Variants in SHOC2 observed in about 807,000 individuals in gnomAD.
SHOC2 encodes the protein SHOC2 leucine rich repeat scaffold protein, also known as leucine-rich repeat protein SHOC-2.
Under a neutral mutation model 50.2 loss-of-function variants are expected in SHOC2, and 4 were observed. The observed-to-expected ratio is 0.08, with a 90% CI of 0.04 to 0.18. The LOEUF is 0.18. SHOC2 is among the 10% of genes least tolerant of loss of function. The pLI is 1.00. For missense variants in SHOC2, 388 were observed against 669.6 expected (o/e 0.58, Z 4.64); for synonymous variants, 218 against 244.5 (o/e 0.89, Z 1.01).
intron 4 of SHOC2, among the ~76,000 whole-genome samples, chr10:111,004,140 C>G (rs1378592750): frequency 6.6e-6 from 1 of 152,062 alleles, no homozygotes; most frequent in African/African-American, 2.4e-5. Flanking sequence ...TTATGTTAAT[C>G]TTAATAATTT....
intron 1 of SHOC2, among the ~76,000 whole-genome samples, chr10:110,950,978 C>T (rs1847340223): frequency 1.3e-5 from 2 of 151,964 alleles, no homozygotes; most frequent in Admixed American, 1.3e-4. Context: ...TTGGTTGGGG[C>T]AATGATTTTT....
At chr10:110,982,140 A>G (rs61506841) in intron 2 of SHOC2, among the ~76,000 whole-genome samples, 9,890 of 148,252 alleles carry the variant, frequency 0.067, 620 homozygotes, top group African/African-American at 0.16. Flanking sequence ...TTTACTGAGA[A>G]TGATGATTTC....
At chr10:110,966,792 G>C (rs367659332) in intron 2 of SHOC2, among the ~76,000 whole-genome samples, 9 of 152,018 alleles carry the variant, frequency 5.9e-5, no homozygotes, top group East Asian at 1.9e-4. Flanking sequence ...TTTGTTAATG[G>C]GCTCCTTCCC....
chr10:110,969,506 G>A (rs1319149383), intron 2 of SHOC2, among the ~76,000 whole-genome samples: 3 of 152,166 alleles, frequency 2.0e-5, no homozygotes, highest in Non-Finnish European at 2.9e-5. Flanking sequence ...AGACAGTGAA[G>A]TTTTAAAGGA....
chr10:110,997,228 A>G (rs1848284173), intron 3 of SHOC2, among the ~76,000 whole-genome samples: 1 of 152,224 alleles, frequency 6.6e-6, no homozygotes, highest in Non-Finnish European at 1.5e-5. Context: ...ACATTATATA[A>G]AATATCTCTG....
intron 1 of SHOC2, among the ~76,000 whole-genome samples, chr10:110,952,642 A>G (rs752968386): frequency 9.2e-5 from 14 of 151,968 alleles, no homozygotes; most frequent in Non-Finnish European, 1.6e-4. Context: ...GGTTTGCTGC[A>G]TCGATCAACC....
chr10:110,952,530 C>A (rs1251280737), intron 1 of SHOC2, among the ~76,000 whole-genome samples: 1 of 152,052 alleles, frequency 6.6e-6, no homozygotes, highest in Non-Finnish European at 1.5e-5. Context: ...ACTCCCCCAA[C>A]CCCTAGCAAT....
intron 1 of SHOC2, among the ~76,000 whole-genome samples, chr10:110,955,843 C>G (rs935299207): frequency 6.6e-6 from 1 of 152,108 alleles, no homozygotes; most frequent in Non-Finnish European, 1.5e-5. Flanking sequence ...TCATTCAACA[C>G]TGAACAAAGT....
chr10:111,000,357 G>A, intron 3 of SHOC2, 58 bp from the exon 4 acceptor site: 4 of 1,561,864 alleles, frequency 2.6e-6, no homozygotes, highest in East Asian at 2.2e-5. Context: ...GCCTGTGACA[G>A]TGAGAGGCTC....
chr10:110,930,959 G>A (rs1846885534), intron 1 of SHOC2, among the ~76,000 whole-genome samples: 1 of 151,866 alleles, frequency 6.6e-6, no homozygotes, highest in Non-Finnish European at 1.5e-5. Context: ...TCCCAATTAT[G>A]GTTTATATTG....
intron 1 of SHOC2, among the ~76,000 whole-genome samples, chr10:110,951,223 C>G (rs1023380363): frequency 6.6e-6 from 1 of 152,092 alleles, no homozygotes; most frequent in Non-Finnish European, 1.5e-5. Flanking sequence ...AAAGGACTTG[C>G]ATTGATGGTC....
intron 1 of SHOC2, among the ~76,000 whole-genome samples, chr10:110,957,533 C>CG (rs1171903691): frequency 7.2e-5 from 7 of 96,552 alleles, no homozygotes. Flanking sequence ...CATGAAGATA[C>CG]CCCCCCCCCA....
At position 110,985,770 on chromosome 10, in the gene SHOC2, G is replaced by T; in HGVS notation, c.841+5G>T. ...TAGACCTCCCAGATACTATAGGTAT[G>T]AGAGGAGAAAGGAGATATTGATAGC... On this transcript the variant is annotated splice_donor_5th_base_variant and intron_variant, in intron 3 of 8. Transcript: ENST00000369452. 1 of 1,612,456 alleles carries T rather than the reference G, an allele frequency of 6.2e-7. No homozygotes were observed. Among genetic ancestry groups the T allele is most frequent in the South Asian group, 1.1e-5 (1 of 91,006 alleles).
chr10:110,975,764 C>T (rs1744956414), intron 2 of SHOC2, among the ~76,000 whole-genome samples: 1 of 152,156 alleles, frequency 6.6e-6, no homozygotes, highest in South Asian at 2.1e-4. Context: ...ACAGCTTCTC[C>T]ACAGCTTCTG....
chr10:110,929,099 AG>A (rs1470274984), intron 1 of SHOC2, among the ~76,000 whole-genome samples: 2 of 152,204 alleles, frequency 1.3e-5, no homozygotes, highest in Non-Finnish European at 2.9e-5. Context: ...TATCAAAGAA[AG>A]CTGAAATTGT....
intron 2 of SHOC2, among the ~76,000 whole-genome samples, chr10:110,973,385 G>C (rs1489242145): frequency 1.3e-5 from 2 of 151,964 alleles, no homozygotes; most frequent in Non-Finnish European, 2.9e-5. Flanking sequence ...TTGCCTACTA[G>C]GTACATTTTC....
intron 1 of SHOC2, among the ~76,000 whole-genome samples, chr10:110,960,801 G>A (rs747364059): frequency 9.9e-5 from 15 of 151,990 alleles, no homozygotes; most frequent in Admixed American, 9.2e-4. Flanking sequence ...TCAGCCTCCC[G>A]ACTAGCTGGG....
At chr10:110,979,290 C>T (rs759861155) in intron 2 of SHOC2, among the ~76,000 whole-genome samples, 18 of 152,170 alleles carry the variant, frequency 1.2e-4, no homozygotes, top group Non-Finnish European at 2.1e-4. Flanking sequence ...CTTATCAAAG[C>T]GTGTAAGCTA....
intron 1 of SHOC2, among the ~76,000 whole-genome samples, chr10:110,939,428 C>G (rs750378418): frequency 2.4e-4 from 37 of 152,178 alleles, no homozygotes; most frequent in Admixed American, 2.6e-4. Context: ...TTATGTTGCC[C>G]AGGCTGGTCT....
Sources: gnomAD v4.1 joint callset for allele counts (sites outside exome capture counted in the v4.1 genomes callset) on GRCh38, gnomAD v4.1.1 for gene constraint, MANE v1.5 for transcripts, NCBI Gene and HGNC (gene_info 2026-07-23, HGNC 2026-07-21) for gene names.